Variants in CCDC148 observed in about 807,000 individuals in gnomAD.
The protein encoded by CCDC148 is coiled-coil domain-containing protein 148.
Under a neutral mutation model 85.7 loss-of-function variants are expected in CCDC148, and 89 were observed. The ratio of observed to expected loss-of-function variants is 1.04; its 90% CI spans 0.87 to 1.24. The LOEUF is 1.24. Among genes scored for constraint, CCDC148 ranks in the 50% most tolerant of loss-of-function variants. The probability of loss-of-function intolerance (pLI) is 0.00; values close to 1 mark genes in which losing one functional copy is unlikely to be tolerated. For synonymous variants in CCDC148, 230 were observed against 213.9 expected (o/e 1.08, Z -0.66); for missense variants, 692 against 671.7 (o/e 1.03, Z -0.33).
chr2:158,419,312 T>G (rs987678661), intron 1 of CCDC148, among the ~76,000 whole-genome samples: 2 of 152,090 alleles, frequency 1.3e-5, no homozygotes, highest in Non-Finnish European at 2.9e-5. Flanking sequence ...TAAGAATGAG[T>G]CACTGAAGTT....
At chr2:158,348,262 G>A (rs1410671576) in intron 2 of CCDC148, among the ~76,000 whole-genome samples, 1 of 151,992 alleles carries the variant, frequency 6.6e-6, no homozygotes. Flanking sequence ...AATTGAACTT[G>A]AATCTGATCA....
Position 158,444,219 on chromosome 2 carries a change from C to T in CCDC148, c.25+12196G>A, listed in dbSNP as rs1211405163. 2.6e-5 allele frequency among the ~76,000 whole-genome samples: 4 copies of T among 151,622 alleles called. No individual in the cohort carries two copies. In the South Asian group the frequency reaches 8.4e-4, roughly 32 times the overall value. On this transcript the variant is annotated intron_variant, in intron 1 of 13. Transcript: ENST00000283233. ...CATACACACACATATATATATACAG[C>T]AAACATGGTGAAATGACTGAATCTT...
At chr2:158,419,632 G>A (rs1297909906) in intron 1 of CCDC148, among the ~76,000 whole-genome samples, 1 of 152,054 alleles carries the variant, frequency 6.6e-6, no homozygotes, top group African/African-American at 2.4e-5. Flanking sequence ...ACTAAACATA[G>A]AGCTAGGAAC....
rs368975737 is a variant in CCDC148 at position 158,231,495 on chromosome 2, A to T, written c.1252-10782T>A. On this transcript the variant is annotated intron_variant, in intron 10 of 13. Transcript: ENST00000283233. The stretch of plus-strand genomic sequence containing the variant: ...ACCAATATATTTGGGCATTTAGTAC[A>T]TGCCTGGAAAGTTCTGCCTTGCCTT... 5.9e-5 allele frequency among the ~76,000 whole-genome samples: 9 copies of T among 152,192 alleles called. No homozygotes were observed. The South Asian group carries it at 1.9e-3, about 32-fold the overall frequency.
intron 7 of CCDC148, among the ~76,000 whole-genome samples, chr2:158,328,115 A>G (rs953908963): frequency 2.6e-5 from 4 of 152,000 alleles, no homozygotes; most frequent in Non-Finnish European, 5.9e-5. Context: ...ACTGCACCCA[A>G]CAACTCGTCA....
chr2:158,372,541 C>T (rs1684486069), intron 1 of CCDC148, among the ~76,000 whole-genome samples: 2 of 152,024 alleles, frequency 1.3e-5, no homozygotes, highest in African/African-American at 4.8e-5. Flanking sequence ...TGGGAGTCTA[C>T]TTTCCCAGCC....
chr2:158,216,755 G>A (rs1173653810), intron 11 of CCDC148, among the ~76,000 whole-genome samples: 3 of 151,938 alleles, frequency 2.0e-5, no homozygotes, highest in Admixed American at 6.6e-5. Flanking sequence ...CTTGAAGTGT[G>A]GCCTTCTTGC....
At chr2:158,386,411 C>A (rs1315391049) in intron 1 of CCDC148, among the ~76,000 whole-genome samples, 1 of 152,064 alleles carries the variant, frequency 6.6e-6, no homozygotes, top group Non-Finnish European at 1.5e-5. Flanking sequence ...TACTTTAACA[C>A]CTACTGCAGT....
intron 9 of CCDC148, among the ~76,000 whole-genome samples, chr2:158,270,967 A>G (rs1238188160): frequency 6.6e-6 from 1 of 152,224 alleles, no homozygotes; most frequent in African/African-American, 2.4e-5. Context: ...ATAGCTCCTG[A>G]GACAAATGGA....
At chr2:158,290,809 C>T (rs991002368) in intron 9 of CCDC148, among the ~76,000 whole-genome samples, 8 of 152,266 alleles carry the variant, frequency 5.3e-5, no homozygotes, top group South Asian at 2.1e-4. Flanking sequence ...AGAATGCTAG[C>T]GTATACTCAG....
chr2:158,338,718 C>T lies in CCDC148; in HGVS notation c.764+8G>A, dbSNP rs754041768. The T allele has an allele frequency of 6.3e-7, 1 of 1,588,996 alleles. No homozygotes were observed. The highest frequency in any genetic ancestry group is 8.5e-7 in the Non-Finnish European group (1 of 1,172,074). ...AAGTCTACACAGGACTCAGTTTTAT[C>T]TTATCACCTGTATATGTCTTCCAAC... On this transcript the variant is annotated splice_region_variant and intron_variant, in intron 7 of 13. Coordinates refer to ENST00000283233, the MANE Select transcript of CCDC148 (RefSeq NM_138803.4).
chr2:158,366,729 G>A (rs1684221468), intron 1 of CCDC148, among the ~76,000 whole-genome samples: 1 of 152,186 alleles, frequency 6.6e-6, no homozygotes, highest in South Asian at 2.1e-4. Context: ...TGTTGGACCT[G>A]CATTGAAGTT....
intron 9 of CCDC148, among the ~76,000 whole-genome samples, chr2:158,297,771 C>T (rs1691258686): frequency 6.6e-6 from 1 of 152,132 alleles, no homozygotes; most frequent in Admixed American, 6.5e-5. Context: ...TAGTAGAAGC[C>T]ACACTGCCTC....
chr2:158,210,710 G>A (rs1370641694), intron 11 of CCDC148, among the ~76,000 whole-genome samples: 4 of 149,290 alleles, frequency 2.7e-5, no homozygotes, highest in African/African-American at 7.4e-5. Flanking sequence ...TTGGGAGGCC[G>A]AGGCAGGCAG....
rs549592051 is a variant in CCDC148 at position 158,408,010 on chromosome 2, T to A, written c.25+48405A>T. On this transcript the variant is annotated intron_variant, in intron 1 of 13. Coordinates refer to ENST00000283233, the MANE Select transcript of CCDC148 (RefSeq NM_138803.4). ...AAAATGGTCCATTCATTGGTGGGAG[T>A]ATACTATGGGTCCAAGTAAGTTTTT... Among the ~76,000 whole-genome samples the A allele has an allele frequency of 4.8e-4, 73 of 152,274 alleles. 1 individual carries two copies. Among genetic ancestry groups the A allele is most frequent in the African/African-American group, 1.4e-3 (57 of 41,560 alleles).
intron 8 of CCDC148, among the ~76,000 whole-genome samples, 180 bp downstream of exon 8, chr2:158,313,576 G>A (rs1410403787): frequency 6.6e-6 from 1 of 152,168 alleles, no homozygotes; most frequent in African/African-American, 2.4e-5. Flanking sequence ...TTATGGACAG[G>A]ACAAACTTGA....
chr2:158,220,835 T>C (rs1352627844), intron 10 of CCDC148, 122 bp from the exon 11 acceptor site: 5 of 702,322 alleles, frequency 7.1e-6, no homozygotes, highest in Non-Finnish European at 1.2e-5. Flanking sequence ...CTTCATCTTT[T>C]TTGTTTCATA....
intron 9 of CCDC148, among the ~76,000 whole-genome samples, chr2:158,267,126 G>A (rs907214508): frequency 3.3e-5 from 5 of 151,832 alleles, no homozygotes; most frequent in African/African-American, 9.7e-5. Flanking sequence ...TGACATGCCA[G>A]GCCCTCTATT....
At chr2:158,420,949 C>T (rs779879909) in intron 1 of CCDC148, among the ~76,000 whole-genome samples, 3 of 151,440 alleles carry the variant, frequency 2.0e-5, no homozygotes, top group African/African-American at 2.4e-5. Context: ...TAGTCTCTGA[C>T]AAAAGAGACT....
Sources: allele counts gnomAD v4.1 joint callset (sites outside exome capture counted in the v4.1 genomes callset), GRCh38; gene constraint gnomAD v4.1.1; transcripts MANE v1.5; gene names NCBI Gene and HGNC (gene_info 2026-07-23, HGNC 2026-07-21).